The following CLEC16A variants were observed in gnomAD, a reference collection of about 807,000 sequenced individuals.
CLEC16A encodes the protein C-type lectin domain containing 16A, also known as protein CLEC16A.
In CLEC16A, 51 loss-of-function variants were observed where a neutral mutation model predicts 109.5. The observed-to-expected ratio is 0.47, with a 90% CI of 0.37 to 0.59. The LOEUF (loss-of-function observed/expected upper bound fraction) is 0.59. CLEC16A is among the 20% of genes least tolerant of loss of function. The probability of loss-of-function intolerance (pLI) is 0.00; values close to 1 mark genes in which losing one functional copy is unlikely to be tolerated. For synonymous variants in CLEC16A, 673 were observed against 564.2 expected (o/e 1.19, Z -2.73); for missense variants, 1,339 against 1,394.0 (o/e 0.96, Z 0.63).
chr16:11,146,864 T>C lies in CLEC16A; in HGVS notation c.2642-19524T>C, dbSNP rs577415339. On this transcript the variant is annotated intron_variant, in intron 22 of 23. Coordinates refer to ENST00000409790, the MANE Select transcript of CLEC16A (RefSeq NM_015226.3). The stretch of plus-strand genomic sequence containing the variant: ...TGTTCACTGGGGACTCAGGGGTTAG[T>C]CAAACAAAACACATCAGCCCCTTTG... Among the ~76,000 whole-genome samples the C allele has an allele frequency of 3.3e-5, 5 of 152,182 alleles. No individual in the cohort carries two copies. The East Asian group carries it at 5.8e-4, about 18-fold the overall frequency.
intron 11 of CLEC16A, among the ~76,000 whole-genome samples, chr16:11,018,748 C>CAAAAAAAA (rs56911220): frequency 1.7e-4 from 16 of 96,246 alleles, no homozygotes; most frequent in South Asian, 3.5e-4. Flanking sequence ...GACTCCATCT[C>CAAAAAAAA]AAAAAAAAAA....
intron 22 of CLEC16A, among the ~76,000 whole-genome samples, chr16:11,143,916 C>G (rs1016030040): frequency 6.6e-6 from 1 of 152,204 alleles, no homozygotes; most frequent in Non-Finnish European, 1.5e-5. Context: ...CCCTGGCCTC[C>G]TGCTCTGTGT....
intron 11 of CLEC16A, among the ~76,000 whole-genome samples, chr16:11,019,128 T>C (rs2045940753): frequency 6.6e-6 from 1 of 152,134 alleles, no homozygotes; most frequent in Admixed American, 6.5e-5. Context: ...CATTTTGTCA[T>C]CTCTTTTAAC....
chr16:11,106,585 A>C (rs141607102), intron 19 of CLEC16A, among the ~76,000 whole-genome samples: 8 of 151,804 alleles, frequency 5.3e-5, no homozygotes, highest in African/African-American at 1.7e-4. Flanking sequence ...TCCTGGCCTC[A>C]AGCAATCCTC....
At chr16:11,058,318 C>A (rs1348885631) in intron 18 of CLEC16A, among the ~76,000 whole-genome samples, 2 of 152,182 alleles carry the variant, frequency 1.3e-5, no homozygotes, top group African/African-American at 4.8e-5. Context: ...CCAAGGATAC[C>A]AAAATCCACA....
rs189376437 is a variant in CLEC16A, at chr16:11,014,151, G to C, written c.1304-6042G>C. Reference sequence around the variant, plus strand: ...TGTGTACTGAAGAAGTCTCCTTCCTGTGTTTCTTTCTGTAAAAATAAGCAG... The same window carrying C: ...TGTGTACTGAAGAAGTCTCCTTCCTCTGTTTCTTTCTGTAAAAATAAGCAG... On this transcript the variant is annotated intron_variant, in intron 11 of 23. Coordinates refer to ENST00000409790, the MANE Select transcript of CLEC16A (RefSeq NM_015226.3). 3.3e-5 allele frequency among the ~76,000 whole-genome samples: 5 copies of C among 152,230 alleles called. No individual in the cohort carries two copies. The East Asian group carries it at 9.6e-4, about 29-fold the overall frequency.
At chr16:10,991,747 G>A (rs557137077) in intron 10 of CLEC16A, among the ~76,000 whole-genome samples, 153 of 152,330 alleles carry the variant, frequency 1.0e-3, no homozygotes, top group African/African-American at 3.5e-3. Flanking sequence ...GTGGACATCC[G>A]GTCTTGGCCA....
chr16:11,100,386 C>A (rs909205633), intron 19 of CLEC16A, among the ~76,000 whole-genome samples: 2 of 152,206 alleles, frequency 1.3e-5, no homozygotes, highest in South Asian at 2.1e-4. Flanking sequence ...GCACACGGCC[C>A]GGCCAAAGTG....
At chr16:11,078,330 C>T (rs188816266) in intron 19 of CLEC16A, among the ~76,000 whole-genome samples, 101 of 152,262 alleles carry the variant, frequency 6.6e-4, no homozygotes, top group Non-Finnish European at 1.9e-4. Context: ...CTAAAGGATT[C>T]CATTGCATAG....
intron 12 of CLEC16A, among the ~76,000 whole-genome samples, chr16:11,023,260 C>T (rs2046226280): frequency 6.6e-6 from 1 of 152,058 alleles, no homozygotes; most frequent in South Asian, 2.1e-4. Flanking sequence ...GTAAACAAAA[C>T]GCTTAATGGT....
Position 10,957,837 on chromosome 16 carries a change from C to G in CLEC16A, c.136C>G (p.Leu46Val), listed in dbSNP as rs74163603. The change falls in exon 2 of 24, where the codon CTG becomes GTG. Residue 46 changes from leucine to valine, a missense_variant. By Grantham distance (32) the Leu-to-Val change is conservative (BLOSUM62 1). Around this residue, in one of 3 missense-constraint regions of CLEC16A, gnomAD observed 117 missense variants for 120.2 expected, o/e 0.97. Coordinates refer to ENST00000409790, the MANE Select transcript of CLEC16A (RefSeq NM_015226.3). ...NTTVTEQNRN[L>V]LVETIRSITE... Reference sequence around the variant, plus strand: ...CACAGTCACAGAACAGAACCGGAACCTGCTAGTGGAGACCATCCGTTCCAT... The same window carrying G: ...CACAGTCACAGAACAGAACCGGAACGTGCTAGTGGAGACCATCCGTTCCAT... 4 of 1,613,514 alleles carry G rather than the reference C, an allele frequency of 2.5e-6. No homozygotes were observed. The African/African-American group carries it at 4.0e-5, about 16-fold the overall frequency.
intron 16 of CLEC16A, among the ~76,000 whole-genome samples, chr16:11,046,945 G>C (rs549127874): frequency 6.6e-6 from 1 of 152,026 alleles, no homozygotes; most frequent in Non-Finnish European, 1.5e-5. Context: ...TTCTCCAGCC[G>C]TTCTCGACAA....
At chr16:10,948,804 G>A (rs1050001178) in intron 1 of CLEC16A, among the ~76,000 whole-genome samples, 1 of 152,194 alleles carries the variant, frequency 6.6e-6, no homozygotes, top group African/African-American at 2.4e-5. Context: ...CCACCTTTCA[G>A]CTCTACCTTT....
chr16:11,139,540 A>C (rs960893339), intron 22 of CLEC16A, among the ~76,000 whole-genome samples: 9 of 152,208 alleles, frequency 5.9e-5, no homozygotes, highest in African/African-American at 2.2e-4. Flanking sequence ...ATCTCTTCAC[A>C]CTTACACAGC....
chr16:11,063,477 C>T (rs547630164), intron 19 of CLEC16A, among the ~76,000 whole-genome samples: 2 of 151,970 alleles, frequency 1.3e-5, no homozygotes, highest in Non-Finnish European at 2.9e-5. Context: ...CCCTGATGAA[C>T]TTGAGAAAGC....
chr16:11,009,611 C>G (rs1420639158), intron 11 of CLEC16A, among the ~76,000 whole-genome samples: 1 of 152,154 alleles, frequency 6.6e-6, no homozygotes, highest in Admixed American at 6.5e-5. Flanking sequence ...GTACCACCTA[C>G]AAGGCTAGGC....
intron 16 of CLEC16A, among the ~76,000 whole-genome samples, chr16:11,044,516 A>G (rs1168674377): frequency 6.6e-6 from 1 of 152,206 alleles, no homozygotes; most frequent in Non-Finnish European, 1.5e-5. Context: ...GTGCTAAGAA[A>G]CCTTATACAG....
chr16:11,051,501 T>C lies in CLEC16A; in HGVS notation c.1867-12T>C, dbSNP rs756796563. The stretch of plus-strand genomic sequence containing the variant: ...GAATCTGCTTTGAGGTTTCCTGTAA[T>C]GTCTCTTCTAGATGAAGCCCATGAA... On this transcript the variant is annotated splice_polypyrimidine_tract_variant and intron_variant, in intron 17 of 23. Transcript: ENST00000409790. 1.9e-6 allele frequency: 3 copies of C among 1,609,226 alleles called. No homozygotes were observed. The highest frequency in any genetic ancestry group is 3.3e-5 in the Admixed American group (2 of 59,960).
intron 19 of CLEC16A, among the ~76,000 whole-genome samples, chr16:11,112,015 A>C (rs2051623369): frequency 6.6e-6 from 1 of 152,258 alleles, no homozygotes; most frequent in African/African-American, 2.4e-5. Context: ...TGCCAGTTGG[A>C]GAGCTGTTAA....
Sources: allele counts gnomAD v4.1 joint callset (sites outside exome capture counted in the v4.1 genomes callset), GRCh38; gene constraint gnomAD v4.1.1; regional missense constraint gnomAD v4.1.1; transcripts MANE v1.5; gene names NCBI Gene and HGNC (gene_info 2026-07-23, HGNC 2026-07-21).